TSPAN12: variants seen among roughly 807,000 people sequenced by gnomAD.
TSPAN12 encodes the protein tetraspanin-12.
TSPAN12 carries 19 observed loss-of-function variants against 39.2 expected under a neutral mutation model. The ratio of observed to expected loss-of-function variants is 0.49; its 90% CI spans 0.34 to 0.71. The LOEUF is 0.71. Among genes scored for constraint, TSPAN12 ranks in the 30% least tolerant of loss-of-function variants. The pLI is 0.01. For synonymous variants in TSPAN12, 119 were observed against 124.8 expected (o/e 0.95, Z 0.31); for missense variants, 314 against 359.9 (o/e 0.87, Z 1.03).
chr7:120,802,653 G>A (rs548348101), intron 7 of TSPAN12, among the ~76,000 whole-genome samples: 78 of 152,266 alleles, frequency 5.1e-4, no homozygotes, highest in Non-Finnish European at 8.8e-4. Context: ...AAAATATTCT[G>A]AATGAATATT....
intron 4 of TSPAN12, among the ~76,000 whole-genome samples, chr7:120,817,127 G>A (rs150564203): frequency 7.2e-4 from 109 of 152,108 alleles, no homozygotes; most frequent in African/African-American, 2.3e-3. Context: ...TAATCTCAAC[G>A]TTTGGGTTTT....
chr7:120,816,259 A>G (rs1488313308), intron 4 of TSPAN12, among the ~76,000 whole-genome samples: 5 of 152,096 alleles, frequency 3.3e-5, no homozygotes, highest in Admixed American at 6.6e-5. Context: ...ACAACATAGA[A>G]CAAAATCTCA....
At chr7:120,849,164 A>C (rs1373916597) in intron 2 of TSPAN12, among the ~76,000 whole-genome samples, 2 of 152,242 alleles carry the variant, frequency 1.3e-5, no homozygotes, top group Non-Finnish European at 2.9e-5. Flanking sequence ...TTTAAAACTA[A>C]ACAAAGTGTT....
chr7:120,831,685 A>G (rs1794393961), intron 4 of TSPAN12, among the ~76,000 whole-genome samples: 1 of 152,048 alleles, frequency 6.6e-6, no homozygotes, highest in Non-Finnish European at 1.5e-5. Context: ...AATGGGTACA[A>G]AGTTTCAGTT....
At chr7:120,840,803 T>A (rs1044586867) in intron 2 of TSPAN12, among the ~76,000 whole-genome samples, 1 of 152,234 alleles carries the variant, frequency 6.6e-6, no homozygotes, top group East Asian at 1.9e-4. Flanking sequence ...AAACTTTTTA[T>A]GGAAGAATTT....
chr7:120,828,637 A>G (rs1307591011), intron 4 of TSPAN12, among the ~76,000 whole-genome samples: 2 of 138,484 alleles, frequency 1.4e-5, no homozygotes, highest in African/African-American at 5.4e-5. Context: ...ATTGTTCCTT[A>G]GTGTTTTTTT....
intron 4 of TSPAN12, among the ~76,000 whole-genome samples, chr7:120,838,291 A>G (rs889493577): frequency 6.6e-6 from 1 of 152,254 alleles, no homozygotes; most frequent in Admixed American, 6.5e-5. Flanking sequence ...TCAGAGTTAA[A>G]AAAACAACAA....
At chr7:120,839,312 C>T (rs964284072) in intron 3 of TSPAN12, among the ~76,000 whole-genome samples, 1 of 152,146 alleles carries the variant, frequency 6.6e-6, no homozygotes, top group African/African-American at 2.4e-5. Context: ...ATGTGCACTA[C>T]GTTTCTTCTC....
chr7:120,837,657 G>A (rs1354746070), intron 4 of TSPAN12, among the ~76,000 whole-genome samples: 2 of 152,036 alleles, frequency 1.3e-5, no homozygotes, highest in African/African-American at 2.4e-5. Flanking sequence ...TTCAATATTC[G>A]ACCTGAACAG....
intron 4 of TSPAN12, among the ~76,000 whole-genome samples, chr7:120,836,603 A>C (rs537397757): frequency 6.6e-6 from 1 of 152,298 alleles, no homozygotes; most frequent in African/African-American, 2.4e-5. Context: ...CCCAGTGCAA[A>C]CCCTATTAGA....
intron 6 of TSPAN12, among the ~76,000 whole-genome samples, chr7:120,807,831 T>A (rs1034791397): frequency 1.3e-5 from 2 of 152,140 alleles, no homozygotes; most frequent in Non-Finnish European, 2.9e-5. Flanking sequence ...TACTGAAAGC[T>A]ATGGGTAATA....
chr7:120,839,496 G>A (rs184913553), intron 3 of TSPAN12, among the ~76,000 whole-genome samples: 2 of 152,144 alleles, frequency 1.3e-5, no homozygotes, highest in African/African-American at 4.8e-5. Context: ...AACTTTCCCT[G>A]TGTTAAGGAC....
intron 4 of TSPAN12, among the ~76,000 whole-genome samples, chr7:120,824,323 T>A (rs1480603876): frequency 6.6e-6 from 1 of 151,058 alleles, no homozygotes; most frequent in Non-Finnish European, 1.5e-5. Context: ...ACCCCTATAG[T>A]CCCAGCAACT....
chr7:120,810,554 G>A lies in TSPAN12; in HGVS notation c.377C>T (p.Ser126Leu), dbSNP rs1181862428. 1 of 1,612,770 alleles carries A rather than the reference G, an allele frequency of 6.2e-7. No individual in the cohort carries two copies. The highest frequency in any genetic ancestry group is 1.1e-5 in the South Asian group (1 of 90,996). Residue 126 changes from serine to leucine, a missense_variant, in exon 6 of 8, where the codon TCA (serine) becomes TTA (leucine). By Grantham distance (145) the Ser-to-Leu change is moderately radical (BLOSUM62 -2). Coordinates refer to ENST00000222747, the MANE Select transcript of TSPAN12 (RefSeq NM_012338.4). ...CCTGGCTTTCAAAGTGACCATATCT[G>A]ACCATTGTACTGGAACCTGGTGATA... Reference protein sequence around the residue: ...EQELMVPVQWSDMVTLKARMT... With the variant: ...EQELMVPVQWLDMVTLKARMT...
At chr7:120,838,608 G>A (rs889424405) in intron 4 of TSPAN12, among the ~76,000 whole-genome samples, 169 bp downstream of exon 4, 2 of 152,128 alleles carry the variant, frequency 1.3e-5, no homozygotes, top group African/African-American at 2.4e-5. Flanking sequence ...TACCTCATCC[G>A]GTACAGCAAA....
At chr7:120,801,603 G>A (rs1793772334) in intron 7 of TSPAN12, among the ~76,000 whole-genome samples, 1 of 152,204 alleles carries the variant, frequency 6.6e-6, no homozygotes, top group South Asian at 2.1e-4. Flanking sequence ...ACAAAGAAAT[G>A]TGTCTCTGGA....
chr7:120,826,223 G>A (rs1794283602), intron 4 of TSPAN12, among the ~76,000 whole-genome samples: 1 of 151,974 alleles, frequency 6.6e-6, no homozygotes, highest in African/African-American at 2.4e-5. Flanking sequence ...AATTAGTAAG[G>A]GTTTGCTTCA....
At chr7:120,797,885 C>G (rs1318782297) in intron 7 of TSPAN12, among the ~76,000 whole-genome samples, 1 of 152,186 alleles carries the variant, frequency 6.6e-6, no homozygotes, top group Non-Finnish European at 1.5e-5. Flanking sequence ...AATTTCCCTG[C>G]CTTAAGACCC....
At chr7:120,793,040 C>G (rs1005551756) in intron 7 of TSPAN12, among the ~76,000 whole-genome samples, 1 of 152,216 alleles carries the variant, frequency 6.6e-6, no homozygotes, top group Non-Finnish European at 1.5e-5. Flanking sequence ...CTGGTTCTAA[C>G]TCTGCTCTCA....
Sources: allele counts gnomAD v4.1 joint callset (sites outside exome capture counted in the v4.1 genomes callset), GRCh38; gene constraint gnomAD v4.1.1; transcripts MANE v1.5; gene names NCBI Gene and HGNC (gene_info 2026-07-23, HGNC 2026-07-21).